Variants in PPFIBP2 observed in about 807,000 individuals in gnomAD.
PPFIBP2 encodes PPFIB scaffold protein 2.
Under a neutral mutation model 118.3 loss-of-function variants are expected in PPFIBP2, and 118 were observed. The ratio of observed to expected loss-of-function variants is 1.00; its 90% CI spans 0.86 to 1.16. The LOEUF (loss-of-function observed/expected upper bound fraction) is 1.16. Ranked by LOEUF, PPFIBP2 falls within the 50% of genes most tolerant of loss-of-function variation. The pLI, the probability that PPFIBP2 is intolerant of heterozygous loss-of-function variation, is 0.00. For missense variants in PPFIBP2, 1,195 were observed against 1,073.1 expected (o/e 1.11, Z -1.59); for synonymous variants, 414 against 397.4 (o/e 1.04, Z -0.50).
At chr11:7,578,273 C>G (rs6578884) in intron 3 of PPFIBP2, among the ~76,000 whole-genome samples, 56,308 of 152,046 alleles carry the variant, frequency 0.37, 10,637 homozygotes, top group Middle Eastern at 0.48. Context: ...CAGGCTGTTT[C>G]CTCTTTTGTG....
In PPFIBP2 at chr11:7,631,070, T is replaced by C. The variant is rs775630686; in HGVS notation, c.1068+42T>C. Reference sequence around the variant, plus strand: ...CATGACGTAGGGTTTCAGCAGGTCCTCCGAGCTTGCCCTGAGCTTGAGGGA... The same window carrying C: ...CATGACGTAGGGTTTCAGCAGGTCCCCCGAGCTTGCCCTGAGCTTGAGGGA... On this transcript the variant is annotated intron_variant, in intron 11 of 23. Coordinates refer to ENST00000299492, the MANE Select transcript of PPFIBP2 (RefSeq NM_003621.5). 2.0e-6 allele frequency: 3 copies of C among 1,499,010 alleles called. No individual in the cohort carries two copies. In the African/African-American group the frequency reaches 4.1e-5, roughly 21 times the overall value. The allele number at this position is 1,499,010 out of a possible 1,614,324, so 92.9% of individuals were successfully genotyped here.
intron 1 of PPFIBP2, among the ~76,000 whole-genome samples, chr11:7,537,622 G>A (rs765016256): frequency 2.0e-5 from 3 of 152,224 alleles, no homozygotes; most frequent in Admixed American, 6.5e-5. Context: ...AGAAGGAAGG[G>A]AAAGAGCCTC....
rs371828976 is a variant in PPFIBP2, at chr11:7,565,539, C to T, written c.65-14C>T. 1 of 1,613,990 alleles carries T rather than the reference C, an allele frequency of 6.2e-7. No homozygotes were observed. The highest frequency in any genetic ancestry group is 1.7e-5 in the Admixed American group (1 of 60,030). On this transcript the variant is annotated splice_polypyrimidine_tract_variant and intron_variant, in intron 2 of 23. Transcript: ENST00000299492. The stretch of plus-strand genomic sequence containing the variant: ...CACCCTTCTTACTGAGTTTTCACCT[C>T]TCTCTCATTGCAGGCACTAAAACAG...
At chr11:7,629,333 C>G in intron 9 of PPFIBP2, 126 bp from the exon 10 acceptor site, 1 of 911,612 alleles carries the variant, frequency 1.1e-6, no homozygotes, top group Non-Finnish European at 1.8e-6. Context: ...GGCCTGGACA[C>G]TCTTTTCCTT....
At chr11:7,636,113 A>C (rs549723842) in intron 14 of PPFIBP2, among the ~76,000 whole-genome samples, 41 of 152,326 alleles carry the variant, frequency 2.7e-4, no homozygotes, top group African/African-American at 9.6e-4. Flanking sequence ...ATGAAGATTC[A>C]TATAATTAGC....
chr11:7,623,188 A>T (rs1849563421), intron 7 of PPFIBP2, among the ~76,000 whole-genome samples: 1 of 150,956 alleles, frequency 6.6e-6, no homozygotes, highest in South Asian at 2.1e-4. Flanking sequence ...CTGTTTTTGG[A>T]AGTTTTTCAC....
At position 7,577,491 on chromosome 11, in the gene PPFIBP2, G is replaced by A. The variant is rs372270613; in HGVS notation, c.279+11724G>A. The A allele has an allele frequency of 8.1e-4, 361 of 447,372 alleles. 2 individuals carry two copies. Among genetic ancestry groups the A allele is most frequent in the South Asian group, 4.4e-3 (280 of 63,204 alleles). The allele number at this position is 447,372 out of a possible 1,614,324, so 27.7% of individuals were successfully genotyped here. A position where few individuals can be genotyped will look rare whatever the true frequency, so the allele number is the denominator to read the frequency against. The stretch of plus-strand genomic sequence containing the variant: ...TTGAACACAGCTTGGAGTTCTTGAG[G>A]GGGGAGGGGGCAGAGGCAAGGAAGA... On this transcript the variant is annotated intron_variant, in intron 3 of 23. Coordinates refer to ENST00000299492, the MANE Select transcript of PPFIBP2 (RefSeq NM_003621.5).
chr11:7,533,894 A>T (rs1197840974), intron 1 of PPFIBP2, among the ~76,000 whole-genome samples: 1 of 152,232 alleles, frequency 6.6e-6, no homozygotes, highest in Non-Finnish European at 1.5e-5. Flanking sequence ...AGCACTGTGA[A>T]GCCGAGGAAT....
downstream of PPFIBP2, among the ~76,000 whole-genome samples, chr11:7,659,129 G>A (rs1324225973): frequency 6.7e-6 from 1 of 148,622 alleles, no homozygotes; most frequent in Admixed American, 6.7e-5. Context: ...CTTTTGCTGT[G>A]CAGAAGCTCT....
intron 6 of PPFIBP2, among the ~76,000 whole-genome samples, chr11:7,615,335 C>CAAA (rs35137869): frequency 1.0e-5 from 1 of 99,176 alleles, no homozygotes; most frequent in East Asian, 3.9e-4. Flanking sequence ...GACTCCGTCT[C>CAAA]AAAAAAAAAA....
chr11:7,656,237 C>G (rs118081590), downstream of PPFIBP2, among the ~76,000 whole-genome samples: 3,560 of 152,324 alleles, frequency 0.023, 58 homozygotes, highest in Non-Finnish European at 0.038. Flanking sequence ...CCTTTTAGTT[C>G]TTGGACATTC....
chr11:7,613,594 C>T (rs189840636), intron 6 of PPFIBP2, among the ~76,000 whole-genome samples: 5 of 152,230 alleles, frequency 3.3e-5, no homozygotes, highest in African/African-American at 7.2e-5. Flanking sequence ...GAGTGATTGA[C>T]GTGGAAAGTA....
intron 5 of PPFIBP2, among the ~76,000 whole-genome samples, chr11:7,604,891 G>A (rs1847152432): frequency 6.6e-6 from 1 of 152,174 alleles, no homozygotes; most frequent in African/African-American, 2.4e-5. Context: ...TTACCAGCTG[G>A]AGGGAGAAAC....
intron 3 of PPFIBP2, among the ~76,000 whole-genome samples, chr11:7,591,015 G>C (rs867849414): frequency 4.6e-5 from 7 of 152,196 alleles, no homozygotes; most frequent in African/African-American, 1.7e-4. Context: ...GGCTGCTAGC[G>C]TGGATCTAGA....
At chr11:7,666,234 G>T in the PPFIBP2 span, 668 of 594,076 alleles carry the variant, frequency 1.1e-3, 3 homozygotes, top group African/African-American at 0.01. Flanking sequence ...TGCTGCTGAT[G>T]TATTAGACAC....
chr11:7,597,672 A>G lies in PPFIBP2; in HGVS notation c.485A>G (p.Gln162Arg), dbSNP rs1416263779. 1.2e-5 allele frequency: 20 copies of G among 1,613,266 alleles called. No individual in the cohort carries two copies. The highest frequency in any genetic ancestry group is 2.2e-5 in the East Asian group (1 of 44,884). Residue 162 changes from glutamine (Q) to arginine (R), a missense_variant and splice_region_variant, in exon 5 of 24, where the codon CAG (glutamine) becomes CGG (arginine). Physicochemically the swap from Gln to Arg is conservative, Grantham distance 43 (BLOSUM62 1). Transcript: ENST00000299492. ...AATGCTGCTGAAGAGATGCTTCAAC[A>G]GGTAAGGGCGGGTGCACTGAAGGCC... Reference protein sequence around the residue: ...KLNAAEEMLQQELLSRTSLET... With the variant: ...KLNAAEEMLQRELLSRTSLET...
chr11:7,623,696 A>C (rs1017602711), intron 7 of PPFIBP2, among the ~76,000 whole-genome samples: 13 of 152,200 alleles, frequency 8.5e-5, no homozygotes, highest in Non-Finnish European at 1.9e-4. Flanking sequence ...GCCAGCAGAC[A>C]AGCATCAGGT....
At chr11:7,564,530 A>G (rs1854728965) in intron 2 of PPFIBP2, among the ~76,000 whole-genome samples, 1 of 152,262 alleles carries the variant, frequency 6.6e-6, no homozygotes. Context: ...ACCCTCACCA[A>G]AATGAATACA....
chr11:7,654,094 T>C (rs1854462063), downstream of PPFIBP2, among the ~76,000 whole-genome samples: 1 of 152,154 alleles, frequency 6.6e-6, no homozygotes, highest in African/African-American at 2.4e-5. Flanking sequence ...GTGAAGGGGA[T>C]GGTGGGGAGA....
Sources: gnomAD v4.1 joint callset for allele counts (sites outside exome capture counted in the v4.1 genomes callset) on GRCh38, gnomAD v4.1.1 for gene constraint, MANE v1.5 for transcripts, NCBI Gene and HGNC (gene_info 2026-07-23, HGNC 2026-07-21) for gene names.